Variants in LGALS9 observed in about 807,000 individuals in gnomAD.
The protein encoded by LGALS9 is galectin 9.
A neutral mutation model predicts 35.9 loss-of-function variants in LGALS9; 26 were observed. That is an observed-to-expected ratio of 0.72 (90% CI 0.53 to 1.01). LGALS9 has a LOEUF of 1.01. Among genes scored for constraint, LGALS9 ranks in the 50% least tolerant of loss-of-function variants. The pLI, the probability that LGALS9 is intolerant of heterozygous loss-of-function variation, is 0.00. For missense variants in LGALS9, 347 were observed against 445.8 expected, an observed-to-expected ratio of 0.78 and a Z score of 1.99; for synonymous variants, 149 against 172.2, an observed-to-expected ratio of 0.87 and a Z score of 1.06.
rs780264898 is a variant in LGALS9, at chr17:27,643,563, G to C, written c.483G>C (p.Thr161=). 7 of 1,611,690 alleles carry C rather than the reference G, an allele frequency of 4.3e-6. No homozygotes were observed. The highest frequency in any genetic ancestry group is 5.9e-6 in the Non-Finnish European group (7 of 1,179,764). The part of the protein sequence containing the change: ...RTVPVQPAFS[T]VPFSQPVCFP... The stretch of plus-strand genomic sequence containing the variant: ...TCCCTGTTCAGCCTGCCTTCTCCAC[G>C]GTGCCGTTCTCCCAGCCTGTCTGTT... Residue 161 remains threonine, a synonymous_variant, in exon 5 of 11, where the codon ACG becomes ACC. Coordinates refer to ENST00000395473, the MANE Select transcript of LGALS9 (RefSeq NM_009587.3).
At chr17:27,634,170 A>G (rs756135171) in intron 1 of LGALS9, among the ~76,000 whole-genome samples, 1 of 152,238 alleles carries the variant, frequency 6.6e-6, no homozygotes, top group Non-Finnish European at 1.5e-5. Context: ...TGGAGGCCCC[A>G]GGGGAAAATC....
At position 27,638,061 on chromosome 17, in the gene LGALS9, C is replaced by G. The variant is rs576427429; in HGVS notation, c.40-202C>G. On this transcript the variant is annotated intron_variant, in intron 1 of 10. Transcript: ENST00000395473. ...TCTCCTTATCACAAGCTTAGACTGT[C>G]TGAGTAACTAATTGGATTTGTGTTT... Among the ~76,000 whole-genome samples the G allele has an allele frequency of 5.3e-5, 8 of 152,234 alleles. No homozygotes were observed. In the East Asian group the frequency reaches 1.4e-3, roughly 26 times the overall value.
chr17:27,647,765 C>T (rs374957365), intron 10 of LGALS9, among the ~76,000 whole-genome samples: 6 of 152,348 alleles, frequency 3.9e-5, no homozygotes, highest in East Asian at 3.9e-4. Flanking sequence ...GCCTGCTTTG[C>T]GCAGGAAGCA....
Position 27,648,941 on chromosome 17 carries a change from G to C in LGALS9, c.1027G>C (p.Glu343Gln). 1 of 1,613,986 alleles carries C rather than the reference G, an allele frequency of 6.2e-7. No homozygotes were observed. Among genetic ancestry groups the C allele is most frequent in the Non-Finnish European group, 8.5e-7 (1 of 1,179,860 alleles). The change falls in exon 11 of 11, where the codon GAA becomes CAA. Residue 343 changes from glutamate to glutamine, a missense_variant. Transcript: ENST00000395473. Reference sequence around the variant, plus strand: ...GAACCTGCCCACCATCAACAGACTGGAAGTGGGGGGCGACATCCAGCTGAC... The same window carrying C: ...GAACCTGCCCACCATCAACAGACTGCAAGTGGGGGGCGACATCCAGCTGAC... The part of the protein sequence containing the change: ...LRNLPTINRL[E>Q]VGGDIQLTHV...
intron 1 of LGALS9, among the ~76,000 whole-genome samples, chr17:27,635,310 C>T (rs1420911567): frequency 1.3e-5 from 2 of 152,072 alleles, no homozygotes; most frequent in African/African-American, 2.4e-5. Context: ...TGGTGGCCTG[C>T]ACCTATTTTG....
At position 27,647,127 on chromosome 17, in the gene LGALS9, A is replaced by G. The variant is rs1335761448; in HGVS notation, c.758+9A>G. Reference sequence around the variant, plus strand: ...CTGCCCAGTGCTCAGAGGTAAGCCAAGGGCTCCAGTGACCTCTGGGAAGAG... The same window carrying G: ...CTGCCCAGTGCTCAGAGGTAAGCCAGGGGCTCCAGTGACCTCTGGGAAGAG... On this transcript the variant is annotated intron_variant, in intron 9 of 10. Transcript: ENST00000395473. The G allele has an allele frequency of 6.2e-7, 1 of 1,614,104 alleles. No individual in the cohort carries two copies. Among genetic ancestry groups the G allele is most frequent in the Non-Finnish European group, 8.5e-7 (1 of 1,180,046 alleles).
intron 10 of LGALS9, 30 bp downstream of exon 10, chr17:27,647,462 G>A (rs1598190881): frequency 1.2e-6 from 2 of 1,613,494 alleles, no homozygotes. Flanking sequence ...AGCTTGGAGA[G>A]GCTCCCATGG....
intron 3 of LGALS9, among the ~76,000 whole-genome samples, chr17:27,641,917 G>A (rs12941053): frequency 0.22 from 34,058 of 151,624 alleles, 4,029 homozygotes; most frequent in Admixed American, 0.3. Flanking sequence ...CAGCCTGGGC[G>A]ACAGACTGAC....
intron 2 of LGALS9, chr17:27,638,863 C>T (rs1414279517): frequency 4.4e-6 from 1 of 229,362 alleles, no homozygotes; most frequent in Non-Finnish European, 8.7e-6. Flanking sequence ...CTCCTCCCTC[C>T]CAAGGTGGGC....
In LGALS9 at chr17:27,646,678, A is replaced by C. The variant is rs1904974470; in HGVS notation, c.669+90A>C. 5 of 1,590,592 alleles carry C rather than the reference A, an allele frequency of 3.1e-6. No individual in the cohort carries two copies. The African/African-American group carries it at 4.0e-5, about 13-fold the overall frequency. The stretch of plus-strand genomic sequence containing the variant: ...GCTGTGGGGGGATCCACTGGCCTTG[A>C]AAAATTAAAAGCAGTCATTTGTTAA... On this transcript the variant is annotated intron_variant, in intron 8 of 10. Coordinates refer to ENST00000395473, the MANE Select transcript of LGALS9 (RefSeq NM_009587.3).
At chr17:27,633,460 C>T (rs1197789483) in intron 1 of LGALS9, among the ~76,000 whole-genome samples, 1 of 152,228 alleles carries the variant, frequency 6.6e-6, no homozygotes, top group African/African-American at 2.4e-5. Flanking sequence ...GGCTAAGAGC[C>T]ACGTACTGGC....
chr17:27,649,138 C>T lies in LGALS9; in HGVS notation c.*156C>T, dbSNP rs1905140932. ...TGTCTGGTCCTGCTTCTGGCTACAGCCACCCTGGAACGGAGAAGGCAGCTG... is the reference window on the plus strand; with the variant it reads ...TGTCTGGTCCTGCTTCTGGCTACAGTCACCCTGGAACGGAGAAGGCAGCTG... On this transcript the variant is annotated 3_prime_UTR_variant, in exon 11 of 11. Coordinates refer to ENST00000395473, the MANE Select transcript of LGALS9 (RefSeq NM_009587.3). The T allele has an allele frequency of 1.6e-6, 2 of 1,231,916 alleles. No individual in the cohort carries two copies. Among genetic ancestry groups the T allele is most frequent in the Admixed American group, 4.7e-5 (2 of 42,318 alleles). The allele number at this position is 1,231,916 out of a possible 1,614,324, so 76.3% of individuals were successfully genotyped here. A position where few individuals can be genotyped will look rare whatever the true frequency, so the allele number is the denominator to read the frequency against.
intron 1 of LGALS9, among the ~76,000 whole-genome samples, chr17:27,636,646 A>AT (rs1400222890): frequency 1.3e-5 from 2 of 150,238 alleles, no homozygotes; most frequent in Non-Finnish European, 3.0e-5. Context: ...TTTTTTTTTT[A>AT]TTTTTTGTAG....
intron 1 of LGALS9, among the ~76,000 whole-genome samples, chr17:27,633,724 A>C (rs1443504436): frequency 6.6e-6 from 1 of 152,258 alleles, no homozygotes; most frequent in African/African-American, 2.4e-5. Flanking sequence ...CTGCACTGTC[A>C]TGTCTGACAT....
intron 2 of LGALS9, among the ~76,000 whole-genome samples, chr17:27,640,037 AT>A (rs11331233): frequency 0.23 from 34,251 of 148,468 alleles, 4,034 homozygotes; most frequent in Admixed American, 0.31. Context: ...TGCCCAGCCA[AT>A]TTTTTTTTTT....
chr17:27,640,250 C>T (rs1904363506), intron 2 of LGALS9: 1 of 404,526 alleles, frequency 2.5e-6, no homozygotes, highest in Non-Finnish European at 4.7e-6. Flanking sequence ...TCTAGGTGTG[C>T]TTAACAACTT....
chr17:27,646,438 C>T lies in LGALS9; in HGVS notation c.628-109C>T, dbSNP rs546529101. On this transcript the variant is annotated intron_variant, in intron 7 of 10. Transcript: ENST00000395473. ...GGCGAGTCCAAGGGCCAAAGGCTCA[C>T]GAGGTCAGCCTCACAGTGGAGTCCT... 539 of 1,545,566 alleles carry T rather than the reference C, an allele frequency of 3.5e-4. 3 individuals carry two copies. In the African/African-American group the frequency reaches 4.6e-3, roughly 13 times the overall value.
chr17:27,649,216 A>C lies in LGALS9; in HGVS notation c.*234A>C. The stretch of plus-strand genomic sequence containing the variant: ...AGCACCTGGGGCTCCAGCTGCTGGA[A>C]TCCTACCATCCCAGGAGGCAGGCAC... On this transcript the variant is annotated 3_prime_UTR_variant, in exon 11 of 11. Transcript: ENST00000395473. 1.6e-6 allele frequency: 1 copy of C among 636,884 alleles called. No homozygotes were observed. The highest frequency in any genetic ancestry group is 2.7e-6 in the Non-Finnish European group (1 of 365,486). The allele number at this position is 636,884 out of a possible 1,614,324, so 39.5% of individuals were successfully genotyped here.
At chr17:27,636,073 C>G (rs532699765) in intron 1 of LGALS9, among the ~76,000 whole-genome samples, 1 of 152,308 alleles carries the variant, frequency 6.6e-6, no homozygotes, top group South Asian at 2.1e-4. Context: ...GGAGCAGAGT[C>G]TAACTGAATC....
Sources: gnomAD v4.1 joint callset for allele counts (sites outside exome capture counted in the v4.1 genomes callset) on GRCh38, gnomAD v4.1.1 for gene constraint, MANE v1.5 for transcripts, NCBI Gene and HGNC (gene_info 2026-07-23, HGNC 2026-07-21) for gene names.